Variants in DMD observed in about 807,000 individuals in gnomAD.
DMD encodes mutant dystrophin.
Under a neutral mutation model 330.1 loss-of-function variants are expected in DMD, and 63 were observed. The observed-to-expected ratio is 0.19, with a 90% CI of 0.16 to 0.24. The LOEUF is 0.24. Ranked by LOEUF, DMD falls within the 10% of genes least tolerant of loss-of-function variation. The pLI, the probability that DMD is intolerant of heterozygous loss-of-function variation, is 1.00. For missense variants in DMD, 3,344 were observed against 2,684.1 expected (o/e 1.25, Z -5.43); for synonymous variants, 1,223 against 959.8 (o/e 1.27, Z -5.07).
chrX:32,367,354 T>A (rs2097858048), intron 34 of DMD, among the ~76,000 whole-genome samples: 1 of 112,060 alleles, frequency 8.9e-6, no homozygotes, highest in Non-Finnish European at 1.9e-5. Context: ...CAAATGAGAA[T>A]TATCTACTTT....
intron 52 of DMD, among the ~76,000 whole-genome samples, chrX:31,689,068 A>T (rs979306732): frequency 2.7e-5 from 3 of 111,847 alleles, no homozygotes; most frequent in African/African-American, 6.5e-5. Context: ...CAAGACAGGG[A>T]TGCCCTCTCT....
intron 52 of DMD, among the ~76,000 whole-genome samples, chrX:31,712,526 T>A (rs761022960): frequency 9.3e-6 from 1 of 107,943 alleles, no homozygotes; most frequent in Non-Finnish European, 1.9e-5. Flanking sequence ...ATATTTTTAA[T>A]TTATTCACTT....
At chrX:31,900,505 G>A (rs1347146011) in intron 47 of DMD, among the ~76,000 whole-genome samples, 2 of 111,458 alleles carry the variant, frequency 1.8e-5, no homozygotes, top group Non-Finnish European at 3.8e-5. Context: ...CCCCAGCCAA[G>A]TGGAACCGTA....
rs145308943 is a variant in DMD at position 31,767,446 on chromosome X, G to C, written c.7542+6514C>G. 7.7e-3 allele frequency among the ~76,000 whole-genome samples: 860 copies of C among 111,719 alleles called. 7 individuals are homozygous for C. The highest frequency in any genetic ancestry group is 0.026 in the African/African-American group (801 of 30,808). ...GGGTGGCTGAGGAAATAGAAAAGAAGTAAGAAACATTATCTATTCCCAAGA... is the reference window on the plus strand; with the variant it reads ...GGGTGGCTGAGGAAATAGAAAAGAACTAAGAAACATTATCTATTCCCAAGA... On this transcript the variant is annotated intron_variant, in intron 51 of 78. Coordinates refer to ENST00000357033, the MANE Select transcript of DMD (RefSeq NM_004006.3).
intron 47 of DMD, among the ~76,000 whole-genome samples, chrX:31,919,602 G>A (rs1184175586): frequency 8.9e-6 from 1 of 112,126 alleles, no homozygotes; most frequent in Non-Finnish European, 1.9e-5. Flanking sequence ...GGTGATAACT[G>A]AAAATGTTCA....
intron 12 of DMD, among the ~76,000 whole-genome samples, chrX:32,597,740 A>G (rs2055727659): frequency 1.8e-5 from 2 of 111,819 alleles, no homozygotes; most frequent in Admixed American, 9.5e-5. Flanking sequence ...GGAATAAATT[A>G]GGGGTAAACA....
At chrX:32,199,776 G>T (rs940407748) in intron 44 of DMD, among the ~76,000 whole-genome samples, 22 of 92,866 alleles carry the variant, frequency 2.4e-4, no homozygotes, top group African/African-American at 8.8e-4. Flanking sequence ...ACCACGCAAG[G>T]CTTTTGTGTG....
intron 76 of DMD, among the ~76,000 whole-genome samples, chrX:31,142,980 G>A (rs16989383): frequency 0.011 from 1,233 of 111,721 alleles, 23 homozygotes; most frequent in African/African-American, 0.038. Flanking sequence ...ATCAGTCATC[G>A]GGGTTGCATA....
intron 52 of DMD, among the ~76,000 whole-genome samples, chrX:31,702,556 A>G (rs755592343): frequency 1.6e-4 from 18 of 111,509 alleles, no homozygotes; most frequent in African/African-American, 5.9e-4. Context: ...TCTGGCCTCT[A>G]TATCATTCAT....
chrX:32,463,378 A>G, intron 25 of DMD, 61 bp downstream of exon 25: 3 of 1,064,883 alleles, frequency 2.8e-6, no homozygotes, highest in Non-Finnish European at 3.8e-6. Flanking sequence ...GTGAAGGGAG[A>G]CATTAGGAAA....
In DMD at chrX:32,216,942, G is replaced by C; in HGVS notation, c.6412C>G (p.His2138Asp). 1 of 1,209,007 alleles carries C rather than the reference G, an allele frequency of 8.3e-7. No individual in the cohort carries two copies. The highest frequency in any genetic ancestry group is 1.1e-6 in the Non-Finnish European group (1 of 893,572). ...RKTQIPENWE[H>D]AKYKWYLKEL... ...TTAAGATACCATTTGTATTTAGCAT[G>C]TTCCCAATTCTCAGGAATTTGTGTC... The change falls in exon 44 of 79, where the codon CAT (histidine) becomes GAT (aspartate). Residue 2138 changes from histidine (H) to aspartate (D), a missense_variant. By Grantham distance (81) the His-to-Asp change is moderately conservative. Coordinates refer to ENST00000357033, the MANE Select transcript of DMD (RefSeq NM_004006.3).
At chrX:31,831,881 C>T (rs1217173557) in intron 49 of DMD, among the ~76,000 whole-genome samples, 2 of 112,493 alleles carry the variant, frequency 1.8e-5, no homozygotes, top group Admixed American at 9.4e-5. Context: ...GTATTACAGG[C>T]GCGAGCCACC....
At chrX:32,658,646 C>A (rs1307583980) in intron 9 of DMD, among the ~76,000 whole-genome samples, 1 of 111,013 alleles carries the variant, frequency 9.0e-6, no homozygotes, top group Non-Finnish European at 1.9e-5. Context: ...TCTCTCCAAT[C>A]TCTCCCCCTC....
chrX:32,709,795 G>T (rs1440774105), intron 7 of DMD, among the ~76,000 whole-genome samples: 2 of 110,931 alleles, frequency 1.8e-5, no homozygotes, highest in Admixed American at 9.7e-5. Context: ...CCTTTACATT[G>T]CTTGTCACAA....
intron 2 of DMD, among the ~76,000 whole-genome samples, chrX:32,964,255 C>CAAAAAAAAAAAAA (rs781702491): frequency 0.03 from 1,045 of 35,060 alleles, 88 homozygotes; most frequent in East Asian, 0.057. Flanking sequence ...GACTCCATCT[C>CAAAAAAAAAAAAA]AAAAAAAAAA....
Position 31,433,904 on chromosome X carries a change from T to C in DMD, c.9084+10577A>G, listed in dbSNP as rs12556753. ...TCTGGTATAACTTTCTGCTTATTTT[T>C]ATAGTTTTCAGTAACATTTTAACTT... On this transcript the variant is annotated intron_variant, in intron 60 of 78. Coordinates refer to ENST00000357033, the MANE Select transcript of DMD (RefSeq NM_004006.3). Among the ~76,000 whole-genome samples, 595 of 112,321 alleles carry C rather than the reference T, an allele frequency of 5.3e-3. 2 individuals carry two copies. The highest frequency in any genetic ancestry group is 8.9e-3 in the Non-Finnish European group (474 of 53,282).
intron 29 of DMD, among the ~76,000 whole-genome samples, chrX:32,423,411 T>C (rs2098198585): frequency 1.8e-5 from 2 of 110,241 alleles, no homozygotes; most frequent in South Asian, 3.8e-4. Flanking sequence ...GAATATTAAA[T>C]ACTTAAATAT....
intron 7 of DMD, among the ~76,000 whole-genome samples, chrX:32,782,878 C>CGT (rs776603569): frequency 1.9e-5 from 2 of 106,389 alleles, no homozygotes; most frequent in Non-Finnish European, 1.9e-5. Flanking sequence ...TACACACACA[C>CGT]GTATATATAT....
rs1569169762 is a variant in DMD, at chrX:31,647,457, T to TA, written c.8027+10532dup. Among the ~76,000 whole-genome samples the TA allele has an allele frequency of 3.6e-5, 4 of 112,292 alleles. No homozygotes were observed. In the Admixed American group the frequency reaches 3.8e-4, roughly 11 times the overall value. ...CATTTCAACAAAACATATCTCACTA[T>TA]AAAAACATAAAATCATAAATAATCA... is the stretch of plus-strand genomic sequence containing the variant. On this transcript the variant is annotated intron_variant, in intron 54 of 78. Coordinates refer to ENST00000357033, the MANE Select transcript of DMD (RefSeq NM_004006.3).
Sources: gnomAD v4.1 joint callset for allele counts (sites outside exome capture counted in the v4.1 genomes callset) on GRCh38, gnomAD v4.1.1 for gene constraint, MANE v1.5 for transcripts, NCBI Gene and HGNC (gene_info 2026-07-23, HGNC 2026-07-21) for gene names.